Variants in ASPH observed in about 807,000 individuals in gnomAD.
ASPH encodes the protein aspartyl/asparaginyl beta-hydroxylase.
ASPH carries 100 observed loss-of-function variants against 118.4 expected under a neutral mutation model. The observed-to-expected ratio is 0.84, with a 90% CI of 0.72 to 1.00. The LOEUF (loss-of-function observed/expected upper bound fraction) is 1.00, where lower values mean the gene tolerates loss of function less well. ASPH is among the 50% of genes least tolerant of loss of function. The pLI is 0.00. For missense variants in ASPH, 920 were observed against 919.5 expected (o/e 1.00, Z -0.01); for synonymous variants, 315 against 325.6 (o/e 0.97, Z 0.35).
intron 18 of ASPH, among the ~76,000 whole-genome samples, chr8:61,558,437 C>G (rs1828653953): frequency 1.3e-5 from 2 of 152,160 alleles, no homozygotes; most frequent in Admixed American, 1.3e-4. Context: ...AGGCAGAAGT[C>G]AAATTAAATC....
chr8:61,642,854 A>AAG, intron 10 of ASPH, 34 bp downstream of exon 10: 1 of 1,515,042 alleles, frequency 6.6e-7, no homozygotes, highest in Non-Finnish European at 8.9e-7. Context: ...TCAAAAAAAA[A>AAG]AAGAAAAAAA....
chr8:61,533,342 C>T (rs1818302245), intron 21 of ASPH, among the ~76,000 whole-genome samples: 1 of 152,110 alleles, frequency 6.6e-6, no homozygotes, highest in Non-Finnish European at 1.5e-5. Flanking sequence ...TTTACAGTAT[C>T]CCATACTTGT....
chr8:61,661,678 TTTTTC>T (rs1816990091), intron 3 of ASPH: 1 of 304,680 alleles, frequency 3.3e-6, no homozygotes, highest in African/African-American at 2.1e-5. Context: ...ACTTCTTTTC[TTTTTC>T]AATGGAAGTG....
intron 3 of ASPH, chr8:61,665,334 C>T: frequency 6.2e-7 from 1 of 1,613,840 alleles, no homozygotes; most frequent in Non-Finnish European, 8.5e-7. Context: ...TCATCTTTGT[C>T]TCGGGATGCC....
chr8:61,632,540 C>T, intron 13 of ASPH: 6 of 251,372 alleles, frequency 2.4e-5, no homozygotes, highest in South Asian at 2.3e-4. Context: ...CTTGCCCTGT[C>T]CAAGTATTTT....
At chr8:61,697,049 A>C (rs796691618) in intron 1 of ASPH, among the ~76,000 whole-genome samples, 27 of 152,276 alleles carry the variant, frequency 1.8e-4, no homozygotes, top group Admixed American at 5.9e-4. Context: ...CACTTTCTGG[A>C]GCAAAAGAAT....
intron 3 of ASPH, chr8:61,668,353 G>C: frequency 1.7e-6 from 2 of 1,168,188 alleles, no homozygotes; most frequent in Admixed American, 2.2e-5. Context: ...CTATTAAATA[G>C]GTAAAATCAA....
At chr8:61,540,640 C>T (rs1000166913) in intron 21 of ASPH, among the ~76,000 whole-genome samples, 1 of 152,136 alleles carries the variant, frequency 6.6e-6, no homozygotes. Context: ...CAAGAATGGA[C>T]TATTTCAGTT....
intron 10 of ASPH, among the ~76,000 whole-genome samples, chr8:61,638,967 A>G (rs2150904175): frequency 6.6e-6 from 1 of 152,298 alleles, no homozygotes; most frequent in African/African-American, 2.4e-5. Flanking sequence ...CTACAAGAAA[A>G]CATCCTTCTT....
At chr8:61,709,047 T>C (rs1019984293) in intron 1 of ASPH, among the ~76,000 whole-genome samples, 8 of 152,136 alleles carry the variant, frequency 5.3e-5, no homozygotes, top group African/African-American at 1.7e-4. Flanking sequence ...AAAAGAGTTA[T>C]TCACCAAGGG....
At chr8:61,550,535 A>G (rs1021262720) in intron 20 of ASPH, among the ~76,000 whole-genome samples, 1 of 152,010 alleles carries the variant, frequency 6.6e-6, no homozygotes, top group African/African-American at 2.4e-5. Flanking sequence ...ACTGGATCCC[A>G]GAAAAGCCCA....
intron 14 of ASPH, among the ~76,000 whole-genome samples, chr8:61,592,342 A>T: frequency 6.6e-6 from 1 of 152,238 alleles, no homozygotes; most frequent in South Asian, 2.1e-4. Context: ...TTAATTTTTT[A>T]AAAAGATCAG....
intron 1 of ASPH, among the ~76,000 whole-genome samples, chr8:61,685,525 A>G (rs1830129219): frequency 6.6e-6 from 1 of 152,176 alleles, no homozygotes; most frequent in East Asian, 1.9e-4. Context: ...GCTCTAATCT[A>G]GAACTTGCCC....
At chr8:61,609,723 G>A (rs1009994170) in intron 14 of ASPH, among the ~76,000 whole-genome samples, 3 of 152,084 alleles carry the variant, frequency 2.0e-5, no homozygotes, top group Non-Finnish European at 4.4e-5. Context: ...AATGCCACTG[G>A]ACCTACCATT....
At chr8:61,626,631 C>T (rs1192458733) in intron 13 of ASPH, among the ~76,000 whole-genome samples, 1 of 151,246 alleles carries the variant, frequency 6.6e-6, no homozygotes, top group African/African-American at 2.4e-5. Flanking sequence ...AAAATAAATA[C>T]AAGAAGCAGT....
chr8:61,547,937 C>A, intron 21 of ASPH, 134 bp downstream of exon 21: 1 of 1,250,984 alleles, frequency 8.0e-7, no homozygotes, highest in Non-Finnish European at 1.1e-6. Flanking sequence ...ATTCTTTTTC[C>A]ATTATATTTT....
chr8:61,625,448 A>T, intron 13 of ASPH: 1 of 985,456 alleles, frequency 1.0e-6, no homozygotes, highest in Non-Finnish European at 1.2e-6. Context: ...AGTAATTTAT[A>T]CAGGTTTTCT....
chr8:61,654,135 T>C (rs971576952), intron 3 of ASPH, among the ~76,000 whole-genome samples: 5 of 152,188 alleles, frequency 3.3e-5, no homozygotes, highest in African/African-American at 9.6e-5. Flanking sequence ...AAATCATACA[T>C]AACTATTTAT....
intron 3 of ASPH, chr8:61,656,647 A>G (rs982943416): frequency 3.4e-4 from 52 of 152,238 alleles, no homozygotes; most frequent in African/African-American, 1.2e-3. Flanking sequence ...AAACACATTA[A>G]TTCCCTTAAA....
Sources: gnomAD v4.1 joint callset for allele counts (sites outside exome capture counted in the v4.1 genomes callset) on GRCh38, gnomAD v4.1.1 for gene constraint, MANE v1.5 for transcripts, NCBI Gene and HGNC (gene_info 2026-07-23, HGNC 2026-07-21) for gene names.